NUDT22: variants seen among roughly 807,000 people sequenced by gnomAD.
NUDT22 encodes uridine diphosphate glucose pyrophosphatase NUDT22.
NUDT22 carries 23 observed loss-of-function variants against 28.8 expected under a neutral mutation model. The ratio of observed to expected loss-of-function variants is 0.80; its 90% CI spans 0.58 to 1.13. NUDT22 has a LOEUF of 1.13. Ranked by LOEUF, NUDT22 falls within the 50% of genes most tolerant of loss-of-function variation. The probability of loss-of-function intolerance (pLI) is 0.00; values close to 1 mark genes in which losing one functional copy is unlikely to be tolerated. For synonymous variants in NUDT22, 175 were observed against 173.7 expected (o/e 1.01, Z -0.06); for missense variants, 358 against 387.3 (o/e 0.92, Z 0.64).
At position 64,226,886 on chromosome 11, in the gene NUDT22, G is replaced by A. The variant is rs757201435; in HGVS notation, c.234G>A (p.Leu78=). Residue 78 remains leucine, a synonymous_variant, in exon 2 of 6, where the codon CTG becomes CTA. Transcript: ENST00000279206. ...CTATTGGCTCTCGGGGGCCACAGCT[G>A]CTCCTGCGCCTGGGCCTTACTTCCT... is the stretch of plus-strand genomic sequence containing the variant. ...LAPIGSRGPQ[L]LLRLGLTSYR... 4.4e-6 allele frequency: 7 copies of A among 1,604,496 alleles called. No individual in the cohort carries two copies. In the Admixed American group the frequency reaches 8.3e-5, roughly 19 times the overall value.
intron 2 of NUDT22, 185 bp from the exon 3 acceptor site, chr11:64,227,381 CCT>C (rs1947063999): frequency 1.4e-6 from 1 of 723,122 alleles, no homozygotes; most frequent in African/African-American, 1.7e-5. Flanking sequence ...ACCCCTGCCC[CCT>C]GTGTATCTCC....
At chr11:64,229,056 A>C (rs984395622) in intron 3 of NUDT22, 191 bp from the exon 4 acceptor site, 2 of 560,314 alleles carry the variant, frequency 3.6e-6, no homozygotes, top group Admixed American at 6.7e-5. Context: ...CAACGTGTTC[A>C]ATCTCTCTGG....
chr11:64,229,482 A>G lies in NUDT22; in HGVS notation c.682A>G (p.Ser228Gly). The change falls in exon 5 of 6, where the codon AGC becomes GGC. Residue 228 changes from serine to glycine, a missense_variant. By Grantham distance (56) the Ser-to-Gly change is moderately conservative. Transcript: ENST00000279206. ...RASAEFYVQC[S>G]LTSEQVRKHY... ...CACCCTTGTGTTCTTGTCCAGGTGC[A>G]GCCTGACTTCTGAGCAGGTGAGGAA... 6.2e-7 allele frequency: 1 copy of G among 1,614,174 alleles called. No homozygotes were observed. Among genetic ancestry groups the G allele is most frequent in the South Asian group, 1.1e-5 (1 of 91,086 alleles).
Position 64,226,318 on chromosome 11 carries a change from G to T in NUDT22, c.-128G>T. 8.9e-7 allele frequency: 1 copy of T among 1,124,304 alleles called. No individual in the cohort carries two copies. The highest frequency in any genetic ancestry group is 1.1e-6 in the Non-Finnish European group (1 of 893,256). The allele number at this position is 1,124,304 out of a possible 1,614,324, so 69.6% of individuals were successfully genotyped here. A position where few individuals can be genotyped will look rare whatever the true frequency, so the allele number is the denominator to read the frequency against. ...GGCTGGTGAGCGCCCGCTGGAGGCT[G>T]GAGCTTCCGGGCCCTGGAAAGGGGT... is the stretch of plus-strand genomic sequence containing the variant. On this transcript the variant is annotated 5_prime_UTR_variant, in exon 1 of 6. Coordinates refer to ENST00000279206, the MANE Select transcript of NUDT22 (RefSeq NM_032344.4).
Position 64,227,563 on chromosome 11 carries a change from C to T in NUDT22, c.481-5C>T, listed in dbSNP as rs1339640403. 1 of 1,612,006 alleles carries T rather than the reference C, an allele frequency of 6.2e-7. No homozygotes were observed. Among genetic ancestry groups the T allele is most frequent in the Non-Finnish European group, 8.5e-7 (1 of 1,178,646 alleles). ...GGAGCAGGGGCTGAGCCTGACCTCT[C>T]ACAGGCCCTGTGCCCTGGTGGCAGC... On this transcript the variant is annotated splice_region_variant and splice_polypyrimidine_tract_variant and intron_variant, in intron 2 of 5. Transcript: ENST00000279206.
At chr11:64,230,093 G>A (rs1173986521), downstream of NUDT22, 4 of 1,021,804 alleles carry the variant, frequency 3.9e-6, no homozygotes, top group Admixed American at 9.8e-5. Context: ...AAGTGACTTG[G>A]GAAAAAAAAA....
downstream of NUDT22, chr11:64,230,094 G>GGA: frequency 1.7e-5 from 12 of 721,014 alleles, no homozygotes; most frequent in Non-Finnish European, 2.7e-5. Context: ...AGTGACTTGG[G>GGA]AAAAAAAAAA....
At position 64,226,811 on chromosome 11, in the gene NUDT22, C is replaced by CT; in HGVS notation, c.160dup (p.Trp54LeufsTer59). Reference sequence around the variant, plus strand: ...GGGAGACCCGGCTAAAGGCCCAACCCTGGCTCTTCGACGCCCCCAAGTTCC... The same window carrying CT: ...GGGAGACCCGGCTAAAGGCCCAACCCTTGGCTCTTCGACGCCCCCAAGTTCC... On this transcript the variant is annotated frameshift_variant, in exon 2 of 6. Coordinates refer to ENST00000279206, the MANE Select transcript of NUDT22 (RefSeq NM_032344.4). LOFTEE classifies it high-confidence loss of function. 1.2e-6 allele frequency: 2 copies of CT among 1,610,158 alleles called. No individual in the cohort carries two copies. Among genetic ancestry groups the CT allele is most frequent in the South Asian group, 2.2e-5 (2 of 91,086 alleles).
rs200382361 is a variant in NUDT22 at position 64,226,977 on chromosome 11, G to C, written c.325G>C (p.Asp109His). ...AAWLRQQGAT[D>H]WGDTQAYLAD... is the part of the protein sequence containing the mutation. ...CTGGCTGCGACAGCAGGGTGCCACC[G>C]ACTGGGGTGACACGCAGGCCTATCT... Residue 109 changes from aspartate (D) to histidine (H), a missense_variant, in exon 2 of 6, where the codon GAC (aspartate) becomes CAC (histidine). Coordinates refer to ENST00000279206, the MANE Select transcript of NUDT22 (RefSeq NM_032344.4). The C allele has an allele frequency of 1.2e-6, 2 of 1,602,666 alleles. No homozygotes were observed. The highest frequency in any genetic ancestry group is 1.7e-6 in the Non-Finnish European group (2 of 1,179,928).
At chr11:64,230,094 G>GAA (rs10708923), downstream of NUDT22, 2,068 of 716,448 alleles carry the variant, frequency 2.9e-3, no homozygotes, top group Non-Finnish European at 3.4e-3. Flanking sequence ...AGTGACTTGG[G>GAA]AAAAAAAAAA....
chr11:64,226,968 G>T lies in NUDT22; in HGVS notation c.316G>T (p.Gly106Cys). ...CTCAGCTGCCTGGCTGCGACAGCAG[G>T]GTGCCACCGACTGGGGTGACACGCA... ...SSSAAWLRQQ[G>C]ATDWGDTQAY... Residue 106 changes from glycine to cysteine, a missense_variant, in exon 2 of 6, where the codon GGT (glycine) becomes TGT (cysteine). By Grantham distance (159) the Gly-to-Cys change is radical. Coordinates refer to ENST00000279206, the MANE Select transcript of NUDT22 (RefSeq NM_032344.4). 1 of 1,602,708 alleles carries T rather than the reference G, an allele frequency of 6.2e-7. No homozygotes were observed.
At position 64,226,733 on chromosome 11, in the gene NUDT22, C is replaced by T. The variant is rs1344815979; in HGVS notation, c.81C>T (p.Pro27=). The change falls in exon 2 of 6, where the codon CCC becomes CCT. Residue 27 remains proline, a synonymous_variant. Transcript: ENST00000279206. ...PQEQIQAELS[P]AHDRRPLPGG... is the part of the protein sequence containing the mutation. The stretch of plus-strand genomic sequence containing the variant: ...AGCAGATACAGGCCGAGCTGAGCCC[C>T]GCCCATGACCGTCGCCCACTGCCAG... The T allele has an allele frequency of 3.1e-6, 5 of 1,610,286 alleles. No homozygotes were observed. In the African/African-American group the frequency reaches 6.7e-5, roughly 21 times the overall value.
chr11:64,226,500 G>A (rs570471651), intron 1 of NUDT22, 73 bp downstream of exon 1: 187 of 1,468,764 alleles, frequency 1.3e-4, no homozygotes, highest in Non-Finnish European at 1.6e-4. Context: ...ACGTTTTACT[G>A]CCCAAGGAGT....
intron 2 of NUDT22, 162 bp from the exon 3 acceptor site, chr11:64,227,406 C>G (rs1282745023): frequency 2.7e-6 from 2 of 733,196 alleles, no homozygotes; most frequent in Non-Finnish European, 4.9e-6. Context: ...TGAAGCTGGA[C>G]CTCTGGTTGT....
chr11:64,227,932 C>G, intron 3 of NUDT22: 1 of 400,108 alleles, frequency 2.5e-6, no homozygotes, highest in South Asian at 2.3e-5. Flanking sequence ...TGCAGTGGCA[C>G]GATCTCTGCT....
rs1338578231 is a variant in NUDT22, at chr11:64,226,344, C to T, written c.-102C>T. 8.2e-7 allele frequency: 1 copy of T among 1,219,318 alleles called. No homozygotes were observed. Among genetic ancestry groups the T allele is most frequent in the African/African-American group, 1.6e-5 (1 of 63,652 alleles). 75.5% of individuals were successfully genotyped at this position (1,219,318 alleles called of 1,614,324 possible). Reference sequence around the variant, plus strand: ...GAGCTTCCGGGCCCTGGAAAGGGGTCCCCGCGCGCCCCGGGTCGGAGGCAG... The same window carrying T: ...GAGCTTCCGGGCCCTGGAAAGGGGTTCCCGCGCGCCCCGGGTCGGAGGCAG... On this transcript the variant is annotated 5_prime_UTR_variant, in exon 1 of 6. Coordinates refer to ENST00000279206, the MANE Select transcript of NUDT22 (RefSeq NM_032344.4).
Position 64,227,958 on chromosome 11 carries a change from C to A in NUDT22, c.579+292C>A, listed in dbSNP as rs551477264. 6 of 322,514 alleles carry A rather than the reference C, an allele frequency of 1.9e-5. No individual in the cohort carries two copies. The East Asian group carries it at 3.1e-4, about 16-fold the overall frequency. The allele number at this position is 322,514 out of a possible 1,614,324, so 20.0% of individuals were successfully genotyped here. Reference sequence around the variant, plus strand: ...GATCTCTGCTCACTGCAAGCTCCACCTCCCGGGTTCACGCCATTCTCCTAC... The same window carrying A: ...GATCTCTGCTCACTGCAAGCTCCACATCCCGGGTTCACGCCATTCTCCTAC... On this transcript the variant is annotated intron_variant, in intron 3 of 5. Transcript: ENST00000279206.
chr11:64,227,082 G>T lies in NUDT22; in HGVS notation c.430G>T (p.Ala144Ser). The change falls in exon 2 of 6, where the codon GCT becomes TCT. Residue 144 changes from alanine to serine, a missense_variant. By Grantham distance (99) the Ala-to-Ser change is moderately conservative. Transcript: ENST00000279206. ...CTTCCTGCGCCGCTCCCGGCAGGTG[G>T]CTGAGGCCCCTGGGCTGGTGGACGT... ...LVFLRRSRQVAEAPGLVDVPG... is the reference protein window; with the variant it reads ...LVFLRRSRQVSEAPGLVDVPG... 1 of 1,599,160 alleles carries T rather than the reference G, an allele frequency of 6.3e-7. No homozygotes were observed.
In NUDT22 at chr11:64,227,109, C is replaced by A. The variant is rs200841392; in HGVS notation, c.457C>A (p.Pro153Thr). 1.2e-4 allele frequency: 194 copies of A among 1,593,748 alleles called. No homozygotes were observed. Among genetic ancestry groups the A allele is most frequent in the South Asian group, 3.7e-4 (33 of 89,412 alleles). Residue 153 changes from proline to threonine, a missense_variant, in exon 2 of 6, where the codon CCT becomes ACT. Coordinates refer to ENST00000279206, the MANE Select transcript of NUDT22 (RefSeq NM_032344.4). ...VAEAPGLVDV[P>T]GGHPEPQALC... ...TGAGGCCCCTGGGCTGGTGGACGTACCTGGTGGGCACCCTGAGCCTCAGGT... is the reference window on the plus strand; with the variant it reads ...TGAGGCCCCTGGGCTGGTGGACGTAACTGGTGGGCACCCTGAGCCTCAGGT...
Sources: allele counts gnomAD v4.1 joint callset, GRCh38; gene constraint gnomAD v4.1.1; transcripts MANE v1.5; gene names NCBI Gene and HGNC (gene_info 2026-07-23, HGNC 2026-07-21).